NFIX: variants seen among roughly 807,000 people sequenced by gnomAD.
The protein encoded by NFIX is nuclear factor I X.
In NFIX, 2 loss-of-function variants were observed where a neutral mutation model predicts 53.3. That is an observed-to-expected ratio of 0.04 (90% CI 0.02 to 0.12). NFIX has a LOEUF of 0.12. NFIX is among the 10% of genes least tolerant of loss of function. The pLI is 1.00. For synonymous variants in NFIX, 244 were observed against 289.0 expected, an observed-to-expected ratio of 0.84 and a Z score of 1.58; for missense variants, 310 against 674.5, an observed-to-expected ratio of 0.46 and a Z score of 5.99.
At chr19:13,087,585 C>T (rs148627943) in intron 8 of NFIX, among the ~76,000 whole-genome samples, 12 of 152,054 alleles carry the variant, frequency 7.9e-5, no homozygotes, top group African/African-American at 2.4e-4. Flanking sequence ...TTTGGGGAGC[C>T]GGGGGAGCAG....
At chr19:13,056,721 G>A (rs77930690) in intron 2 of NFIX, among the ~76,000 whole-genome samples, 2 of 152,296 alleles carry the variant, frequency 1.3e-5, no homozygotes, top group African/African-American at 4.8e-5. Flanking sequence ...CCATTGAGCA[G>A]AATCAGCTGC....
In NFIX at chr19:13,006,018, G is replaced by A. The variant is rs1319214786; in HGVS notation, c.27+10154G>A. On this transcript the variant is annotated intron_variant, in intron 1 of 10. Transcript: ENST00000592199. The surrounding 1 kb of genome is among the most constrained non-coding windows in gnomAD (Gnocchi z 5.6). ...CAAATATTTACCAAGCACCTCCTGGGTGCCAGGCTCTGTTTTAGGCCCCGG... is the reference window on the plus strand; with the variant it reads ...CAAATATTTACCAAGCACCTCCTGGATGCCAGGCTCTGTTTTAGGCCCCGG... Among the ~76,000 whole-genome samples, 1 of 152,210 alleles carries A rather than the reference G, an allele frequency of 6.6e-6. No homozygotes were observed. The highest frequency in any genetic ancestry group is 1.5e-5 in the Non-Finnish European group (1 of 68,046).
chr19:13,056,018 C>T (rs907779148), intron 2 of NFIX, among the ~76,000 whole-genome samples: 3 of 152,236 alleles, frequency 2.0e-5, no homozygotes, highest in Non-Finnish European at 4.4e-5. Context: ...GGTGCGGTTT[C>T]GCAGGAGGGG....
chr19:12,995,958 A>AG (rs922665563), intron 1 of NFIX, 94 bp downstream of exon 1: 17 of 462,102 alleles, frequency 3.7e-5, no homozygotes, highest in African/African-American at 1.3e-4. Flanking sequence ...GCGGCCGGGA[A>AG]GGGGGGGCCG....
chr19:12,998,905 T>G lies in NFIX; in HGVS notation c.27+3041T>G, dbSNP rs1481972858. ...GACACAGGAAACTGTGGACTTGTGT[T>G]CACAACCACCCCCAGCGCACACATA... On this transcript the variant is annotated intron_variant, in intron 1 of 10. Coordinates refer to ENST00000592199, the MANE Select transcript of NFIX (RefSeq NM_001365902.3). The surrounding 1 kb of genome is among the most constrained non-coding windows in gnomAD (Gnocchi z 4.4). Among the ~76,000 whole-genome samples the G allele has an allele frequency of 1.3e-5, 2 of 152,060 alleles. No homozygotes were observed. Among genetic ancestry groups the G allele is most frequent in the African/African-American group, 4.8e-5 (2 of 41,384 alleles).
chr19:13,022,280 G>A lies in NFIX; in HGVS notation c.28-2741G>A, dbSNP rs376007717. ...GAGCTGTGTTGCGTTGGCATCCCTCGTCACCGCTAATGGAGTGTGCGTGGC... is the reference window on the plus strand; with the variant it reads ...GAGCTGTGTTGCGTTGGCATCCCTCATCACCGCTAATGGAGTGTGCGTGGC... On this transcript the variant is annotated intron_variant, in intron 1 of 10. Transcript: ENST00000592199. The surrounding 1 kb of genome is among the most constrained non-coding windows in gnomAD (Gnocchi z 4.5). Among the ~76,000 whole-genome samples the A allele has an allele frequency of 1.3e-5, 2 of 152,080 alleles. No individual in the cohort carries two copies. The highest frequency in any genetic ancestry group is 4.8e-5 in the African/African-American group (2 of 41,380).
At chr19:13,074,967 G>A (rs2016994083) in intron 5 of NFIX, among the ~76,000 whole-genome samples, 1 of 150,030 alleles carries the variant, frequency 6.7e-6, no homozygotes, top group African/African-American at 2.5e-5. Flanking sequence ...CTACTTGGGA[G>A]GCTGAGGCAG....
chr19:12,999,790 C>T (rs2011611060), intron 1 of NFIX, among the ~76,000 whole-genome samples: 1 of 152,200 alleles, frequency 6.6e-6, no homozygotes, highest in Non-Finnish European at 1.5e-5. Context: ...CTCTCTGGGT[C>T]ACTCTGGCCA....
chr19:13,046,116 C>A (rs2014967345), intron 2 of NFIX, among the ~76,000 whole-genome samples: 1 of 152,186 alleles, frequency 6.6e-6, no homozygotes, highest in Non-Finnish European at 1.5e-5. Context: ...ACCATTCATT[C>A]CTGTTGACCA....
At chr19:13,087,715 AAG>A (rs2017862419) in intron 8 of NFIX, among the ~76,000 whole-genome samples, 1 of 150,744 alleles carries the variant, frequency 6.6e-6, no homozygotes, top group African/African-American at 2.5e-5. Flanking sequence ...TTTCCCTAAG[AAG>A]TAACAAACCA....
intron 2 of NFIX, among the ~76,000 whole-genome samples, chr19:13,029,293 C>A (rs2013613615): frequency 6.6e-6 from 1 of 152,168 alleles, no homozygotes; most frequent in Non-Finnish European, 1.5e-5. Context: ...AAAACCAAAC[C>A]ACAATACCAC....
At chr19:13,056,231 C>A (rs1309571546) in intron 2 of NFIX, among the ~76,000 whole-genome samples, 2 of 152,202 alleles carry the variant, frequency 1.3e-5, no homozygotes, top group East Asian at 3.9e-4. Context: ...GGCCCCCCCA[C>A]CGCCCCGTTC....
At chr19:13,071,831 T>C (rs2016794844) in intron 2 of NFIX, among the ~76,000 whole-genome samples, 1 of 152,128 alleles carries the variant, frequency 6.6e-6, no homozygotes, top group Non-Finnish European at 1.5e-5. Context: ...GTGGGCTGCA[T>C]CCTGCCCTCC....
intron 2 of NFIX, among the ~76,000 whole-genome samples, chr19:13,061,942 C>T (rs1278694382): frequency 3.9e-5 from 6 of 152,266 alleles, no homozygotes; most frequent in African/African-American, 1.4e-4. Flanking sequence ...TGATTCCAGG[C>T]CCAGGGCTCT....
intron 2 of NFIX, among the ~76,000 whole-genome samples, chr19:13,061,082 A>AGGC (rs2016050257): frequency 7.3e-6 from 1 of 136,878 alleles, no homozygotes. Flanking sequence ...GTGGCCTTAG[A>AGGC]CCCCCCCCTC....
chr19:13,073,686 A>T lies in NFIX; in HGVS notation c.697+190A>T, dbSNP rs1289819476. Among the ~76,000 whole-genome samples the T allele has an allele frequency of 6.6e-6, 1 of 152,112 alleles. No homozygotes were observed. Among genetic ancestry groups the T allele is most frequent in the Non-Finnish European group, 1.5e-5 (1 of 68,020 alleles). ...CCAGAGAGGCCTGTCTCCAGTCTCC[A>T]TTGCTTTGGAGGAAAAAGAAAAAGT... On this transcript the variant is annotated intron_variant, in intron 4 of 10. Transcript: ENST00000592199. The surrounding 1 kb of genome is among the most constrained non-coding windows in gnomAD (Gnocchi z 4.5).
intron 1 of NFIX, among the ~76,000 whole-genome samples, chr19:13,010,042 C>T (rs1256220575): frequency 1.3e-5 from 2 of 152,206 alleles, no homozygotes; most frequent in Non-Finnish European, 2.9e-5. Flanking sequence ...CCCAGGGGCC[C>T]TCCGAGGTCC....
In NFIX at chr19:13,075,661, T is replaced by C. The variant is rs1265416558; in HGVS notation, c.945T>C (p.Asp315=). 6.2e-7 allele frequency: 1 copy of C among 1,613,480 alleles called. No individual in the cohort carries two copies. Among genetic ancestry groups the C allele is most frequent in the East Asian group, 2.2e-5 (1 of 44,858 alleles). Residue 315 remains aspartate (D), a synonymous_variant, in exon 6 of 11, where the codon GAT becomes GAC. Transcript: ENST00000592199. The part of the protein sequence containing the change: ...GSSQSSGWPN[D]VDAGPASLKK... ...GCCAGTCCAGCGGGTGGCCCAACGATGTGGATGCAGGTATGGGTGCGGGGG... is the reference window on the plus strand; with the variant it reads ...GCCAGTCCAGCGGGTGGCCCAACGACGTGGATGCAGGTATGGGTGCGGGGG...
In NFIX at chr19:13,089,192, G is replaced by C. The variant is rs894681979; in HGVS notation, c.1402+1056G>C. The stretch of plus-strand genomic sequence containing the variant: ...CACAGTCATTGGAGGTGGGCAGGGT[G>C]GGGGATGGGAGCTGGGCTACAGGGT... On this transcript the variant is annotated intron_variant, in intron 9 of 10. Transcript: ENST00000592199. This position sits in a 1 kb window ranked among gnomAD's most constrained non-coding sequence, Gnocchi z 4.8. 6.6e-6 allele frequency among the ~76,000 whole-genome samples: 1 copy of C among 152,210 alleles called. No individual in the cohort carries two copies. Among genetic ancestry groups the C allele is most frequent in the Non-Finnish European group, 1.5e-5 (1 of 68,016 alleles).
Sources: allele counts gnomAD v4.1 joint callset (sites outside exome capture counted in the v4.1 genomes callset), GRCh38; gene constraint gnomAD v4.1.1; non-coding constraint Gnocchi (gnomAD v3.1); transcripts MANE v1.5; gene names NCBI Gene and HGNC (gene_info 2026-07-23, HGNC 2026-07-21).